WNK1: variants seen among roughly 807,000 people sequenced by gnomAD.
WNK1 encodes serine/threonine-protein kinase WNK1.
A neutral mutation model predicts 222.8 loss-of-function variants in WNK1; 38 were observed. The ratio of observed to expected loss-of-function variants is 0.17; its 90% CI spans 0.13 to 0.22. WNK1 has a LOEUF of 0.22. WNK1 is among the 10% of genes least tolerant of loss of function. The probability of loss-of-function intolerance (pLI) is 1.00; values close to 1 mark genes in which losing one functional copy is unlikely to be tolerated. For synonymous variants in WNK1, 1,090 were observed against 1,092.9 expected, an observed-to-expected ratio of 1.00 and a Z score of 0.05; for missense variants, 2,348 against 2,918.4, an observed-to-expected ratio of 0.80 and a Z score of 4.50.
At chr12:851,400 T>C in intron 4 of WNK1, 1 of 1,082,542 alleles carries the variant, frequency 9.2e-7, no homozygotes, top group Non-Finnish European at 1.1e-6. Context: ...CAAGTAAAAA[T>C]CCCATTTTGC....
chr12:856,090 A>G (rs1051157854), intron 4 of WNK1, among the ~76,000 whole-genome samples: 2 of 151,412 alleles, frequency 1.3e-5, no homozygotes, highest in African/African-American at 4.8e-5. Flanking sequence ...TGCCCACCTC[A>G]GCCTCCCCAA....
At position 784,664 on chromosome 12, in the gene WNK1, C is replaced by A. The variant is rs1944092745; in HGVS notation, c.760-28978C>A. Among the ~76,000 whole-genome samples the A allele has an allele frequency of 1.3e-5, 2 of 152,200 alleles. 1 individual carries two copies. The highest frequency in any genetic ancestry group is 4.1e-4 in the South Asian group (2 of 4,830). ...CCTGAAGTCTTCCCTCCTAGCTGTG[C>A]AAATCTCCTGTCACTACATTAAAAC... On this transcript the variant is annotated intron_variant, in intron 1 of 27. Transcript: ENST00000315939.
intron 9 of WNK1, among the ~76,000 whole-genome samples, chr12:877,047 A>ACT (rs1952684186): frequency 7.0e-6 from 1 of 142,890 alleles, no homozygotes; most frequent in Non-Finnish European, 1.5e-5. Flanking sequence ...TCAGCCCTAA[A>ACT]CTTCATTTTT....
chr12:890,013 C>T (rs1468960432), intron 21 of WNK1, among the ~76,000 whole-genome samples: 2 of 141,600 alleles, frequency 1.4e-5, no homozygotes, highest in Non-Finnish European at 3.0e-5. Context: ...AGTGCAGTGG[C>T]ACGATCTTGG....
chr12:807,781 G>T (rs1263767225), intron 1 of WNK1, among the ~76,000 whole-genome samples: 2 of 134,476 alleles, frequency 1.5e-5, no homozygotes, highest in African/African-American at 2.8e-5. Context: ...GTGCAGTGGC[G>T]CAATCTCGGC....
intron 25 of WNK1, among the ~76,000 whole-genome samples, chr12:898,895 C>T (rs1954979504): frequency 1.3e-5 from 2 of 152,280 alleles, no homozygotes; most frequent in African/African-American, 4.8e-5. Context: ...CACATGTCAC[C>T]ATGCCTGGCT....
At chr12:880,460 G>A (rs1387895104) in intron 11 of WNK1, among the ~76,000 whole-genome samples, 2 of 152,122 alleles carry the variant, frequency 1.3e-5, no homozygotes, top group African/African-American at 2.4e-5. Context: ...AAGAAATTGT[G>A]TTCCTCCTAT....
intron 8 of WNK1, chr12:868,877 A>G (rs537586813): frequency 1.9e-6 from 3 of 1,610,234 alleles, no homozygotes; most frequent in South Asian, 2.2e-5. Flanking sequence ...AGAATATTCC[A>G]GTGATTCCTC....
At chr12:833,858 TC>T (rs1186431585) in intron 4 of WNK1, among the ~76,000 whole-genome samples, 1 of 152,204 alleles carries the variant, frequency 6.6e-6, no homozygotes, top group African/African-American at 2.4e-5. Context: ...CCCTGCTATG[TC>T]CCATGCCCAG....
At chr12:805,102 T>A (rs565321459) in intron 1 of WNK1, among the ~76,000 whole-genome samples, 2 of 152,240 alleles carry the variant, frequency 1.3e-5, no homozygotes, top group African/African-American at 4.8e-5. Context: ...TTCATGTATC[T>A]GTTGGAGTGC....
At chr12:781,354 T>C (rs550508857) in intron 1 of WNK1, 2 of 152,644 alleles carry the variant, frequency 1.3e-5, no homozygotes, top group South Asian at 4.1e-4. Context: ...TAGATCCTTT[T>C]AACCACTTAA....
At chr12:886,123 C>A in intron 19 of WNK1, 39 bp downstream of exon 19, 2 of 1,413,210 alleles carry the variant, frequency 1.4e-6, no homozygotes, top group South Asian at 1.3e-5. Context: ...TAAATATGAT[C>A]AGTTTTTTTT....
chr12:793,854 A>G (rs1207179224), intron 1 of WNK1, among the ~76,000 whole-genome samples: 2 of 152,198 alleles, frequency 1.3e-5, no homozygotes, highest in African/African-American at 2.4e-5. Flanking sequence ...GAATTGTGCA[A>G]CCATCACAGT....
intron 1 of WNK1, among the ~76,000 whole-genome samples, chr12:790,704 C>CA (rs1565434818): frequency 6.6e-6 from 1 of 152,202 alleles, no homozygotes; most frequent in African/African-American, 2.4e-5. Context: ...TTTAAAAAGA[C>CA]AATCTTTTGA....
intron 5 of WNK1, among the ~76,000 whole-genome samples, chr12:858,971 C>T (rs936263809): frequency 1.3e-5 from 2 of 152,108 alleles, no homozygotes; most frequent in African/African-American, 2.4e-5. Flanking sequence ...CTCGCCATTA[C>T]TAGTATACTA....
chr12:783,263 T>G (rs1943912071), intron 1 of WNK1, among the ~76,000 whole-genome samples: 1 of 152,158 alleles, frequency 6.6e-6, no homozygotes, highest in South Asian at 2.1e-4. Context: ...AGATAGTATA[T>G]ATTCTTTTCT....
intron 1 of WNK1, among the ~76,000 whole-genome samples, chr12:780,011 G>A (rs1943540097): frequency 6.6e-6 from 1 of 152,122 alleles, no homozygotes; most frequent in South Asian, 2.1e-4. Context: ...GTTGCTTAAT[G>A]GGTAATGTTG....
At chr12:862,390 C>T in intron 8 of WNK1, 120 bp downstream of exon 8, 1 of 1,126,070 alleles carries the variant, frequency 8.9e-7, no homozygotes, top group East Asian at 2.5e-5. Context: ...ATATAAAATG[C>T]TGTGTCTCTA....
chr12:805,200 G>A (rs1444710721), intron 1 of WNK1, among the ~76,000 whole-genome samples: 5 of 151,966 alleles, frequency 3.3e-5, no homozygotes, highest in Admixed American at 6.5e-5. Context: ...AGGAACTATC[G>A]TGCTCTTTTC....
Sources: allele counts gnomAD v4.1 joint callset (sites outside exome capture counted in the v4.1 genomes callset), GRCh38; gene constraint gnomAD v4.1.1; transcripts MANE v1.5; gene names NCBI Gene and HGNC (gene_info 2026-07-23, HGNC 2026-07-21).